Variants in PLEKHM1 observed in about 807,000 individuals in gnomAD.
PLEKHM1 encodes pleckstrin homology and RUN domain containing M1.
PLEKHM1 carries 28 observed loss-of-function variants against 94.3 expected under a neutral mutation model. The ratio of observed to expected loss-of-function variants is 0.30; its 90% CI spans 0.22 to 0.41. PLEKHM1 has a LOEUF of 0.41. Ranked by LOEUF, PLEKHM1 falls within the 10% of genes least tolerant of loss-of-function variation. The pLI, the probability that PLEKHM1 is intolerant of heterozygous loss-of-function variation, is 1.00. For missense variants in PLEKHM1, 907 were observed against 1,358.6 expected (o/e 0.67, Z 5.22); for synonymous variants, 424 against 581.2 (o/e 0.73, Z 3.89).
chr17:45,487,875 C>G (rs2052179940), intron 1 of PLEKHM1: 1 of 452,348 alleles, frequency 2.2e-6, no homozygotes, highest in Non-Finnish European at 4.5e-6. Flanking sequence ...CTGTTCAGAG[C>G]CACAGCCTGG....
chr17:45,486,166 G>A (rs1461917270), intron 1 of PLEKHM1, among the ~76,000 whole-genome samples: 2 of 142,486 alleles, frequency 1.4e-5, no homozygotes, highest in Admixed American at 1.4e-4. Context: ...GCAGTGAGCC[G>A]AGATCCCGCC....
intron 7 of PLEKHM1, among the ~76,000 whole-genome samples, chr17:45,451,514 C>G (rs2050774593): frequency 6.6e-6 from 1 of 152,224 alleles, no homozygotes; most frequent in Non-Finnish European, 1.5e-5. Context: ...CTGCTCCTCA[C>G]CAGCTGCCTC....
intron 3 of PLEKHM1, among the ~76,000 whole-genome samples, chr17:45,476,835 G>A (rs562300741): frequency 6.6e-6 from 1 of 152,284 alleles, no homozygotes; most frequent in South Asian, 2.1e-4. Context: ...TCCTCCATGG[G>A]AATGTAGACC....
intron 5 of PLEKHM1, among the ~76,000 whole-genome samples, chr17:45,464,991 T>C (rs575763830): frequency 6.0e-4 from 91 of 152,268 alleles, no homozygotes; most frequent in African/African-American, 2.1e-3. Context: ...TGTATGATTC[T>C]GGGCCAGGTA....
At chr17:45,448,819 T>C (rs2050687162) in intron 8 of PLEKHM1, among the ~76,000 whole-genome samples, 1 of 152,052 alleles carries the variant, frequency 6.6e-6, no homozygotes, top group South Asian at 2.1e-4. Flanking sequence ...CTGAAAGACT[T>C]TAAGATACAT....
At position 45,454,351 on chromosome 17, in the gene PLEKHM1, T is replaced by C. The variant is rs1016106783; in HGVS notation, c.1580-79A>G. 13 of 1,263,878 alleles carry C rather than the reference T, an allele frequency of 1.0e-5. No individual in the cohort carries two copies. The African/African-American group carries it at 1.5e-4, about 14-fold the overall frequency. 78.3% of individuals were successfully genotyped at this position (1,263,878 alleles called of 1,614,324 possible). On this transcript the variant is annotated intron_variant, in intron 6 of 11. Transcript: ENST00000430334. ...GCCCAAGGCAGCCTCTGCTGCCTGA[T>C]GCCCTGCAGTGCATGTGGCCAGTGA...
chr17:45,487,236 G>T (rs1341479234), intron 1 of PLEKHM1, among the ~76,000 whole-genome samples: 1 of 152,140 alleles, frequency 6.6e-6, no homozygotes, highest in Non-Finnish European at 1.5e-5. Flanking sequence ...AAGCTTCTCT[G>T]ATGTCCCTCT....
intron 5 of PLEKHM1, among the ~76,000 whole-genome samples, chr17:45,464,366 G>T (rs2051252118): frequency 6.6e-6 from 1 of 152,300 alleles, no homozygotes; most frequent in Admixed American, 6.5e-5. Flanking sequence ...GTTTTTAAAA[G>T]AAAGACTGAA....
intron 1 of PLEKHM1, among the ~76,000 whole-genome samples, chr17:45,483,249 G>T (rs2052011037): frequency 6.6e-6 from 1 of 151,996 alleles, no homozygotes; most frequent in Admixed American, 6.6e-5. Context: ...CACGGGGCCT[G>T]ATATGTACCT....
intron 4 of PLEKHM1, among the ~76,000 whole-genome samples, chr17:45,470,955 T>C (rs55930887): frequency 0.13 from 19,616 of 151,772 alleles, 1,589 homozygotes; most frequent in Middle Eastern, 0.21. Flanking sequence ...AGTGAGCCAC[T>C]GTGCCTGGCC....
intron 4 of PLEKHM1, among the ~76,000 whole-genome samples, chr17:45,473,597 C>A (rs578195462): frequency 6.6e-6 from 1 of 151,250 alleles, no homozygotes; most frequent in South Asian, 2.1e-4. Flanking sequence ...CTCACTCTGT[C>A]ACCCAGGCTG....
chr17:45,476,831 A>G (rs1035374442), intron 3 of PLEKHM1, among the ~76,000 whole-genome samples: 69 of 152,252 alleles, frequency 4.5e-4, no homozygotes, highest in Admixed American at 1.8e-3. Flanking sequence ...TATCTCCTCC[A>G]TGGGAATGTA....
At chr17:45,462,013 TTTG>T (rs1265897952) in intron 5 of PLEKHM1, among the ~76,000 whole-genome samples, 1 of 152,160 alleles carries the variant, frequency 6.6e-6, no homozygotes, top group African/African-American at 2.4e-5. Flanking sequence ...GCCCCACTGT[TTTG>T]TTAAGTGCCA....
At chr17:45,488,642 T>C (rs2052206183) in intron 1 of PLEKHM1, among the ~76,000 whole-genome samples, 1 of 152,074 alleles carries the variant, frequency 6.6e-6, no homozygotes, top group Non-Finnish European at 1.5e-5. Flanking sequence ...TTTGGGGCTC[T>C]TTAAAACTGC....
chr17:45,477,127 A>G (rs1189506937), intron 3 of PLEKHM1: 1 of 152,918 alleles, frequency 6.5e-6, no homozygotes, highest in Non-Finnish European at 1.5e-5. Flanking sequence ...GGCCAAAGAG[A>G]TAAGTGTCTC....
Position 45,453,592 on chromosome 17 carries a change from C to A in PLEKHM1, c.2260G>T (p.Val754Phe). 1 of 1,599,678 alleles carries A rather than the reference C, an allele frequency of 6.3e-7. No individual in the cohort carries two copies. The highest frequency in any genetic ancestry group is 8.5e-7 in the Non-Finnish European group (1 of 1,172,260). ...GCGTTTCCGGCCTGCAGCTTCAGGA[C>A]AGCCTTGGCCGTGATGATTTTGAAG... ...SFFKIITAKA[V>F]LKLQAGNAEE... The change falls in exon 7 of 12, where the codon GTC becomes TTC. Residue 754 changes from valine (V) to phenylalanine (F), a missense_variant. Val to Phe is a conservative substitution (Grantham distance 50). Around this residue, in one of 3 missense-constraint regions of PLEKHM1, gnomAD observed 254 missense variants for 451.1 expected, o/e 0.56. Coordinates refer to ENST00000430334, the MANE Select transcript of PLEKHM1 (RefSeq NM_014798.3). This position sits in a 1 kb window ranked among gnomAD's most constrained non-coding sequence, Gnocchi z 4.1.
In PLEKHM1 at chr17:45,475,447, T is replaced by C. The variant is rs1182351697; in HGVS notation, c.576A>G (p.Pro192=). 1.9e-6 allele frequency: 3 copies of C among 1,605,068 alleles called. No homozygotes were observed. The highest frequency in any genetic ancestry group is 1.1e-5 in the South Asian group (1 of 90,962). Residue 192 remains proline (P), a synonymous_variant, in exon 4 of 12, where the codon CCA becomes CCG. Transcript: ENST00000430334. The stretch of plus-strand genomic sequence containing the variant: ...GCGGGCAAAGCCCAGACAGGGCCAA[T>C]GGGGTGAGCGTCCACTCATTTAAGA... ...SAILNEWTLT[P]LALSGLCPLS...
rs1437164195 is a variant in PLEKHM1, at chr17:45,436,155, G to A, written c.*1703C>T. 8.8e-6 allele frequency: 4 copies of A among 455,596 alleles called. 1 individual carries two copies. The highest frequency in any genetic ancestry group is 6.2e-5 in the South Asian group (4 of 64,532). 28.2% of individuals were successfully genotyped at this position (455,596 alleles called of 1,614,324 possible). Reference sequence around the variant, plus strand: ...AGGGCCTCAAACCTGCTGCCTCCGAGGGCACCTTCGGGGAGAATCCTCACA... The same window carrying A: ...AGGGCCTCAAACCTGCTGCCTCCGAAGGCACCTTCGGGGAGAATCCTCACA... On this transcript the variant is annotated 3_prime_UTR_variant, in exon 12 of 12. Coordinates refer to ENST00000430334, the MANE Select transcript of PLEKHM1 (RefSeq NM_014798.3).
chr17:45,442,965 C>G (rs1310770721), intron 9 of PLEKHM1, among the ~76,000 whole-genome samples: 2 of 152,204 alleles, frequency 1.3e-5, no homozygotes, highest in African/African-American at 4.8e-5. Flanking sequence ...TCTCATTTTT[C>G]TAAGCCCCAG....
Sources: gnomAD v4.1 joint callset for allele counts (sites outside exome capture counted in the v4.1 genomes callset) on GRCh38, gnomAD v4.1.1 for gene constraint, gnomAD v4.1.1 regional missense constraint, Gnocchi (gnomAD v3.1) non-coding constraint, MANE v1.5 for transcripts, NCBI Gene and HGNC (gene_info 2026-07-23, HGNC 2026-07-21) for gene names.